GATAD2A: variants seen among roughly 807,000 people sequenced by gnomAD.
The protein encoded by GATAD2A is GATA zinc finger domain containing 2A, also known as transcriptional repressor p66-alpha.
A neutral mutation model predicts 68.5 loss-of-function variants in GATAD2A; 12 were observed. The observed-to-expected ratio is 0.18, with a 90% CI of 0.11 to 0.28. The LOEUF (loss-of-function observed/expected upper bound fraction) is 0.28. Among genes scored for constraint, GATAD2A ranks in the 10% least tolerant of loss-of-function variants. The probability of loss-of-function intolerance (pLI) is 1.00; values close to 1 mark genes in which losing one functional copy is unlikely to be tolerated. For missense variants in GATAD2A, 755 were observed against 868.5 expected, an observed-to-expected ratio of 0.87 and a Z score of 1.64; for synonymous variants, 410 against 375.3, an observed-to-expected ratio of 1.09 and a Z score of -1.07.
rs1475154283 is a variant in GATAD2A, at chr19:19,492,492, T to G, written c.402+54T>G. 5 of 1,612,710 alleles carry G rather than the reference T, an allele frequency of 3.1e-6. No individual in the cohort carries two copies. The East Asian group carries it at 1.1e-4, about 36-fold the overall frequency. ...AGCCCCACTGTGCCCTTCCTACTCA[T>G]GACACCCTCAGGTGGAGCTAGTGAT... On this transcript the variant is annotated intron_variant, in intron 3 of 11. Coordinates refer to ENST00000683918, the MANE Select transcript of GATAD2A (RefSeq NM_001384528.1).
chr19:19,503,047 C>G (rs2060646011), intron 11 of GATAD2A, among the ~76,000 whole-genome samples: 1 of 152,218 alleles, frequency 6.6e-6, no homozygotes, highest in South Asian at 2.1e-4. Context: ...GAAGAACAAC[C>G]AGTGGGGGTG....
intron 2 of GATAD2A, among the ~76,000 whole-genome samples, chr19:19,468,214 G>C (rs925696009): frequency 6.6e-6 from 1 of 152,214 alleles, no homozygotes; most frequent in Non-Finnish European, 1.5e-5. Context: ...TGGTAAAGAG[G>C]TTCTGTCCAG....
chr19:19,413,990 T>C (rs1257062944), intron 1 of GATAD2A, among the ~76,000 whole-genome samples: 1 of 152,136 alleles, frequency 6.6e-6, no homozygotes, highest in African/African-American at 2.4e-5. Context: ...TGGTCAAGTT[T>C]TTAGTGTTGA....
At chr19:19,453,209 G>A (rs966228238) in intron 1 of GATAD2A, among the ~76,000 whole-genome samples, 10 of 152,162 alleles carry the variant, frequency 6.6e-5, no homozygotes, top group Admixed American at 6.5e-5. Context: ...TTTCCTTAGG[G>A]CTTTGGTGTG....
chr19:19,495,709 G>C (rs77651686), intron 5 of GATAD2A, 45 bp from the exon 6 acceptor site: 4 of 1,542,818 alleles, frequency 2.6e-6, no homozygotes, highest in African/African-American at 2.8e-5. Context: ...AAAAAGTGTG[G>C]GGGGGTCCGG....
chr19:19,465,666 G>A, intron 2 of GATAD2A, 52 bp downstream of exon 2: 2 of 1,545,684 alleles, frequency 1.3e-6, no homozygotes, highest in South Asian at 2.3e-5. Context: ...CAAGCCCAGT[G>A]TGCCCAGGTT....
intron 2 of GATAD2A, among the ~76,000 whole-genome samples, chr19:19,490,559 C>T (rs1179894222): frequency 1.3e-5 from 2 of 152,132 alleles, no homozygotes; most frequent in Non-Finnish European, 2.9e-5. Flanking sequence ...GGTCACAGTG[C>T]CACCTAGAGG....
At chr19:19,388,203 A>G (rs1171858044) in intron 1 of GATAD2A, among the ~76,000 whole-genome samples, 1 of 151,874 alleles carries the variant, frequency 6.6e-6, no homozygotes, top group Non-Finnish European at 1.5e-5. Context: ...GATTACAGGC[A>G]TGTGCCACCA....
intron 2 of GATAD2A, among the ~76,000 whole-genome samples, chr19:19,482,861 A>G (rs1309134027): frequency 1.3e-5 from 2 of 152,112 alleles, no homozygotes; most frequent in Non-Finnish European, 2.9e-5. Flanking sequence ...AGCTGCTGAC[A>G]AGATTGGGCT....
Position 19,507,397 on chromosome 19 carries a change from C to T in GATAD2A, c.*1923C>T, listed in dbSNP as rs1427167827. 3.9e-5 allele frequency: 6 copies of T among 152,258 alleles called. No homozygotes were observed. Among genetic ancestry groups the T allele is most frequent in the Non-Finnish European group, 5.9e-5 (4 of 68,074 alleles). 9.4% of individuals were successfully genotyped at this position (152,258 alleles called of 1,614,324 possible). ...ACAGGGGCCAGATCTTCCAGCTCCT[C>T]CCAGAAGGAGCACCCAGGCTGGCTT... On this transcript the variant is annotated 3_prime_UTR_variant, in exon 12 of 12. Transcript: ENST00000683918.
At position 19,501,479 on chromosome 19, in the gene GATAD2A, C is replaced by T. The variant is rs2060517747; in HGVS notation, c.1503+63C>T. On this transcript the variant is annotated intron_variant, in intron 9 of 11. Transcript: ENST00000683918. Reference sequence around the variant, plus strand: ...AGGCAGAGGCCGTTCCGCGATCCACCCCACGCCTGCGCTGCACCGCCTGAT... The same window carrying T: ...AGGCAGAGGCCGTTCCGCGATCCACTCCACGCCTGCGCTGCACCGCCTGAT... 3.9e-6 allele frequency: 5 copies of T among 1,274,424 alleles called. No homozygotes were observed. In the African/African-American group the frequency reaches 5.9e-5, roughly 15 times the overall value. The allele number at this position is 1,274,424 out of a possible 1,614,324, so 78.9% of individuals were successfully genotyped here. A position where few individuals can be genotyped will look rare whatever the true frequency, so the allele number is the denominator to read the frequency against.
chr19:19,421,251 G>A (rs1008794345), intron 1 of GATAD2A, among the ~76,000 whole-genome samples: 4 of 152,012 alleles, frequency 2.6e-5, no homozygotes, highest in African/African-American at 4.8e-5. Flanking sequence ...AGGGAGGGAG[G>A]GCCAGGGAGG....
intron 1 of GATAD2A, among the ~76,000 whole-genome samples, chr19:19,414,588 A>T (rs1600057950): frequency 8.6e-6 from 1 of 116,190 alleles, no homozygotes. Context: ...TCCAGTCTGG[A>T]GGGCAGTGGT....
At chr19:19,465,696 G>T in intron 2 of GATAD2A, 82 bp downstream of exon 2, 1 of 1,478,824 alleles carries the variant, frequency 6.8e-7, no homozygotes. Context: ...CACACTCCAG[G>T]CCTGTTGGTA....
chr19:19,443,318 TG>T (rs2055321197), intron 1 of GATAD2A, among the ~76,000 whole-genome samples: 3 of 151,998 alleles, frequency 2.0e-5, no homozygotes, highest in Non-Finnish European at 4.4e-5. Context: ...CATGAGAAAT[TG>T]GGGGTATGTG....
At chr19:19,494,208 C>T (rs987215100) in intron 4 of GATAD2A, 86 bp from the exon 5 acceptor site, 37 of 690,510 alleles carry the variant, frequency 5.4e-5, no homozygotes, top group East Asian at 3.6e-4. Context: ...CAGTCCTCTT[C>T]GGCAGCATTA....
intron 1 of GATAD2A, among the ~76,000 whole-genome samples, chr19:19,434,102 A>G (rs2054050663): frequency 6.6e-6 from 1 of 152,014 alleles, no homozygotes; most frequent in Non-Finnish European, 1.5e-5. Context: ...GTTTCATTGT[A>G]GTTTCTTTAT....
chr19:19,493,678 ACT>A (rs1009325669), intron 4 of GATAD2A, among the ~76,000 whole-genome samples: 5 of 151,376 alleles, frequency 3.3e-5, no homozygotes, highest in Non-Finnish European at 2.9e-5. Context: ...GAAGGACAGG[ACT>A]CTCTCTGCTC....
chr19:19,437,599 C>G (rs1161539662), intron 1 of GATAD2A, among the ~76,000 whole-genome samples: 2 of 152,202 alleles, frequency 1.3e-5, no homozygotes, highest in Non-Finnish European at 2.9e-5. Flanking sequence ...TCATCTCCCC[C>G]TCCCCTTTCT....
Sources: allele counts gnomAD v4.1 joint callset (sites outside exome capture counted in the v4.1 genomes callset), GRCh38; gene constraint gnomAD v4.1.1; transcripts MANE v1.5; gene names NCBI Gene and HGNC (gene_info 2026-07-23, HGNC 2026-07-21).